TSEN15: variants seen among roughly 807,000 people sequenced by gnomAD.
TSEN15 encodes the protein tRNA splicing endonuclease subunit 15, also known as tRNA-splicing endonuclease subunit Sen15.
Under a neutral mutation model 20.5 loss-of-function variants are expected in TSEN15, and 10 were observed. That is an observed-to-expected ratio of 0.49 (90% confidence interval 0.30 to 0.83). The LOEUF is 0.83. TSEN15 is among the 40% of genes least tolerant of loss of function. The pLI, the probability that TSEN15 is intolerant of heterozygous loss-of-function variation, is 0.06. For missense variants in TSEN15, 180 were observed against 218.6 expected (o/e 0.82, Z 1.11); for synonymous variants, 72 against 80.1 (o/e 0.90, Z 0.54).
At chr1:184,066,483 A>G (rs1278211896) in intron 3 of TSEN15, among the ~76,000 whole-genome samples, 1 of 151,722 alleles carries the variant, frequency 6.6e-6, no homozygotes, top group Non-Finnish European at 1.5e-5. Flanking sequence ...GCTCACTGCA[A>G]CCCGGTCCGC....
chr1:184,074,644 T>G (rs1204982154), downstream of TSEN15, among the ~76,000 whole-genome samples: 1 of 152,180 alleles, frequency 6.6e-6, no homozygotes, highest in African/African-American at 2.4e-5. Flanking sequence ...TTCTGTTGAT[T>G]GGAAGCAGGT....
intron 3 of TSEN15, among the ~76,000 whole-genome samples, chr1:184,086,429 T>C (rs574709229): frequency 2.0e-5 from 3 of 152,342 alleles, no homozygotes; most frequent in Admixed American, 1.3e-4. Context: ...AGTAATCTAT[T>C]GCTGTGTGAC....
intron 3 of TSEN15, among the ~76,000 whole-genome samples, chr1:184,069,398 G>A (rs544336581): frequency 9.2e-5 from 14 of 151,980 alleles, no homozygotes; most frequent in South Asian, 6.2e-4. Context: ...GAATTTTATC[G>A]TTTATTGTTG....
chr1:184,092,840 G>T (rs780999967), intron 3 of TSEN15, among the ~76,000 whole-genome samples: 4 of 152,114 alleles, frequency 2.6e-5, no homozygotes, highest in African/African-American at 7.2e-5. Context: ...TTCTTCAACT[G>T]CCCTGAGATG....
At chr1:184,086,355 TTCTC>T (rs1260776534) in intron 3 of TSEN15, among the ~76,000 whole-genome samples, 1 of 152,210 alleles carries the variant, frequency 6.6e-6, no homozygotes, top group Non-Finnish European at 1.5e-5. Flanking sequence ...GCAGCTTCTC[TTCTC>T]TCTTCCTGTT....
chr1:184,055,940 A>T (rs1351432276), intron 3 of TSEN15, among the ~76,000 whole-genome samples: 1 of 151,854 alleles, frequency 6.6e-6, no homozygotes, highest in East Asian at 1.9e-4. Context: ...TTCCATGTAC[A>T]TTGGGAATTT....
chr1:184,054,900 G>T, intron 3 of TSEN15, 37 bp downstream of exon 3: 1 of 1,593,442 alleles, frequency 6.3e-7, no homozygotes, highest in Non-Finnish European at 8.6e-7. Context: ...CCTTTCCCGA[G>T]TAAAGCAGTA....
chr1:184,078,471 CT>C, downstream of TSEN15, among the ~76,000 whole-genome samples: 1 of 152,240 alleles, frequency 6.6e-6, no homozygotes, highest in African/African-American at 2.4e-5. Flanking sequence ...GAGGTGCCCT[CT>C]TTAGCTGGGG....
intron 4 of TSEN15, 69 bp downstream of exon 4, chr1:184,072,367 A>G: frequency 6.9e-7 from 1 of 1,441,078 alleles, no homozygotes; most frequent in Non-Finnish European, 9.3e-7. Flanking sequence ...TTTAAGTGTG[A>G]CTCAAGTCAG....
At chr1:184,088,605 G>A (rs1651305541) in intron 3 of TSEN15, among the ~76,000 whole-genome samples, 1 of 130,206 alleles carries the variant, frequency 7.7e-6, no homozygotes, top group Non-Finnish European at 1.7e-5. Context: ...TTTTGGTAGA[G>A]ATCGAGTTTC....
chr1:184,054,826 G>A lies in TSEN15; in HGVS notation c.316G>A (p.Val106Met). The change falls in exon 3 of 5, where the codon GTG (valine) becomes ATG (methionine). Residue 106 changes from valine to methionine, a missense_variant. Physicochemically the swap from Val to Met is conservative, Grantham distance 21. Around this residue, in one of 3 missense-constraint regions of TSEN15, gnomAD observed 76 missense variants for 123.4 expected, o/e 0.62. Transcript: ENST00000645668. ...EIEGEGLQTV[V>M]PTPITASLSH... ...AGAAGGGGAGGGGTTACAGACTGTG[G>A]TGCCTACCCCCATCACTGCTTCCCT... The A allele has an allele frequency of 6.2e-7, 1 of 1,611,642 alleles. No homozygotes were observed. The highest frequency in any genetic ancestry group is 8.5e-7 in the Non-Finnish European group (1 of 1,178,892).
intron 3 of TSEN15, chr1:184,095,631 T>TTCTCTCTCTC (rs56022269): frequency 1.4e-4 from 53 of 386,246 alleles, no homozygotes; most frequent in African/African-American, 1.0e-3. Flanking sequence ...TCTCTCCCCC[T>TTCTCTCTCTC]TCTCTCTCTC....
At position 184,091,784 on chromosome 1, in the gene TSEN15, C is replaced by A. The variant is rs111767073; in HGVS notation, c.354-3906C>A. Among the ~76,000 whole-genome samples, 208 of 152,262 alleles carry A rather than the reference C, an allele frequency of 1.4e-3. 1 individual carries two copies. Among genetic ancestry groups the A allele is most frequent in the African/African-American group, 2.9e-3 (122 of 41,536 alleles). On this transcript the variant is annotated intron_variant, in intron 3 of 3. Coordinates refer to the TSEN15 transcript ENST00000643231. ...ACCTGGGAGACAGCTACCTGTCACC[C>A]AGGAACACCTGCAATGGGCTGTTTT...
chr1:184,072,447 A>T (rs1466148264), intron 4 of TSEN15, 149 bp downstream of exon 4: 1 of 751,122 alleles, frequency 1.3e-6, no homozygotes, highest in African/African-American at 1.8e-5. Context: ...CAGACGTCAG[A>T]AAATTGGTTA....
At chr1:184,075,914 T>A (rs991301785), downstream of TSEN15, among the ~76,000 whole-genome samples, 117 of 144,466 alleles carry the variant, frequency 8.1e-4, no homozygotes, top group African/African-American at 2.8e-3. Flanking sequence ...ATATATATTT[T>A]TTTTTTTCTT....
At chr1:184,053,802 A>C (rs1434647772) in intron 1 of TSEN15, among the ~76,000 whole-genome samples, 1 of 152,218 alleles carries the variant, frequency 6.6e-6, no homozygotes, top group African/African-American at 2.4e-5. Flanking sequence ...CTGATACTCT[A>C]GCAGATTCTC....
At position 184,055,424 on chromosome 1, in the gene TSEN15, A is replaced by G. The variant is rs144699921; in HGVS notation, c.353+561A>G. ...TTGGGCAGGAACAAATATACAAAGTATATCAAGCATTCAACAAGTATTTAT... is the reference window on the plus strand; with the variant it reads ...TTGGGCAGGAACAAATATACAAAGTGTATCAAGCATTCAACAAGTATTTAT... On this transcript the variant is annotated intron_variant, in intron 3 of 4. Coordinates refer to ENST00000645668, the MANE Select transcript of TSEN15 (RefSeq NM_052965.4). Among the ~76,000 whole-genome samples the G allele has an allele frequency of 3.1e-3, 468 of 152,350 alleles. 2 individuals carry two copies. The highest frequency in any genetic ancestry group is 7.3e-3 in the African/African-American group (304 of 41,584).
intron 3 of TSEN15, among the ~76,000 whole-genome samples, chr1:184,067,944 ATATATAT>A: frequency 1.4e-5 from 1 of 70,096 alleles, no homozygotes; most frequent in East Asian, 4.2e-4. Flanking sequence ...AAAAAAAAAT[ATATATAT>A]ATATATATAT....
intron 3 of TSEN15, among the ~76,000 whole-genome samples, chr1:184,056,931 C>G (rs1650270208): frequency 6.6e-6 from 1 of 152,152 alleles, no homozygotes; most frequent in African/African-American, 2.4e-5. Context: ...TTATGCATTT[C>G]TTCTTTAGAA....
Sources: allele counts gnomAD v4.1 joint callset (sites outside exome capture counted in the v4.1 genomes callset), GRCh38; gene constraint gnomAD v4.1.1; regional missense constraint gnomAD v4.1.1; transcripts MANE v1.5; gene names NCBI Gene and HGNC (gene_info 2026-07-23, HGNC 2026-07-21).